ITPR2: variants seen among roughly 807,000 people sequenced by gnomAD.
The protein encoded by ITPR2 is inositol 1,4,5-trisphosphate-gated calcium channel ITPR2.
Under a neutral mutation model 317.1 loss-of-function variants are expected in ITPR2, and 207 were observed. The observed-to-expected ratio is 0.65, with a 90% CI of 0.58 to 0.73. The LOEUF (loss-of-function observed/expected upper bound fraction) is 0.73, where lower values mean the gene tolerates loss of function less well. Among genes scored for constraint, ITPR2 ranks in the 30% least tolerant of loss-of-function variants. ITPR2 has a pLI of 0.00. For synonymous variants in ITPR2, 1,156 were observed against 1,149.1 expected (o/e 1.01, Z -0.12); for missense variants, 2,613 against 3,284.0 (o/e 0.80, Z 4.99).
At chr12:26,626,297 C>T (rs1018630058) in intron 23 of ITPR2, among the ~76,000 whole-genome samples, 2 of 152,148 alleles carry the variant, frequency 1.3e-5, no homozygotes, top group African/African-American at 4.8e-5. Context: ...AAATACACCA[C>T]TTATTTCTCA....
intron 2 of ITPR2, among the ~76,000 whole-genome samples, chr12:26,742,762 G>A (rs1949254177): frequency 2.6e-5 from 4 of 150,998 alleles, no homozygotes; most frequent in South Asian, 2.1e-4. Context: ...GCAGTGAGCC[G>A]AGATCATACC....
Position 26,597,153 on chromosome 12 carries a change from A to T in ITPR2, c.4003-19T>A. 2 of 1,612,808 alleles carry T rather than the reference A, an allele frequency of 1.2e-6. No individual in the cohort carries two copies. The highest frequency in any genetic ancestry group is 1.7e-6 in the Non-Finnish European group (2 of 1,179,712). ...TTATCAACTGAAATGATAATAAGAGAGTCTATGTAGCAGTCCGAACATTCA... is the reference window on the plus strand; with the variant it reads ...TTATCAACTGAAATGATAATAAGAGTGTCTATGTAGCAGTCCGAACATTCA... On this transcript the variant is annotated intron_variant, in intron 30 of 56. Coordinates refer to ENST00000381340, the MANE Select transcript of ITPR2 (RefSeq NM_002223.4).
At chr12:26,765,449 T>C (rs1949703596) in intron 2 of ITPR2, among the ~76,000 whole-genome samples, 1 of 152,122 alleles carries the variant, frequency 6.6e-6, no homozygotes, top group Non-Finnish European at 1.5e-5. Flanking sequence ...TGTACCAATG[T>C]ATACTCTTTC....
chr12:26,831,666 T>G lies in ITPR2; in HGVS notation c.92+1024A>C, dbSNP rs1243638276. On this transcript the variant is annotated intron_variant, in intron 1 of 56. Coordinates refer to ENST00000381340, the MANE Select transcript of ITPR2 (RefSeq NM_002223.4). This position sits in a 1 kb window ranked among gnomAD's most constrained non-coding sequence, Gnocchi z 4.9. ...AGTCCTATTTAACCATTTGGCACACTGTTTTATATATAAATATATATATAT... is the reference window on the plus strand; with the variant it reads ...AGTCCTATTTAACCATTTGGCACACGGTTTTATATATAAATATATATATAT... Among the ~76,000 whole-genome samples the G allele has an allele frequency of 7.6e-6, 1 of 130,828 alleles. No individual in the cohort carries two copies. The highest frequency in any genetic ancestry group is 1.8e-5 in the Non-Finnish European group (1 of 56,732). The allele number at this position is 130,828 out of a possible 152,430, so 85.8% of individuals were successfully genotyped here. A position where few individuals can be genotyped will look rare whatever the true frequency, so the allele number is the denominator to read the frequency against.
rs373550560 is a variant in ITPR2 at position 26,486,023 on chromosome 12, C to A, written c.5811+81G>T. On this transcript the variant is annotated intron_variant, in intron 41 of 56. Transcript: ENST00000381340. ...TATCTTTCTAAAATGCTCTCCGAAACTACTTGTTGGTTTTATTTGAATTTA... is the reference window on the plus strand; with the variant it reads ...TATCTTTCTAAAATGCTCTCCGAAAATACTTGTTGGTTTTATTTGAATTTA... 1.0e-5 allele frequency: 15 copies of A among 1,483,648 alleles called. No individual in the cohort carries two copies. In the East Asian group the frequency reaches 2.7e-4, roughly 27 times the overall value. The allele number at this position is 1,483,648 out of a possible 1,614,324, so 91.9% of individuals were successfully genotyped here.
chr12:26,799,037 T>C (rs1293625530), intron 1 of ITPR2, among the ~76,000 whole-genome samples: 1 of 152,236 alleles, frequency 6.6e-6, no homozygotes, highest in African/African-American at 2.4e-5. Flanking sequence ...ACATGTCTAA[T>C]TTCAATAATG....
intron 54 of ITPR2, among the ~76,000 whole-genome samples, chr12:26,394,271 C>A (rs549213745): frequency 2.6e-5 from 4 of 152,260 alleles, no homozygotes; most frequent in East Asian, 1.9e-4. Flanking sequence ...CTATAAAGTT[C>A]ATGCATTTTC....
At chr12:26,498,565 G>A (rs1942998841) in intron 37 of ITPR2, among the ~76,000 whole-genome samples, 1 of 152,128 alleles carries the variant, frequency 6.6e-6, no homozygotes, top group African/African-American at 2.4e-5. Context: ...AAAATATGAG[G>A]TCACATTAAC....
intron 45 of ITPR2, among the ~76,000 whole-genome samples, chr12:26,447,178 T>C (rs886823748): frequency 6.6e-6 from 1 of 151,606 alleles, no homozygotes. Flanking sequence ...AATGAAGAAA[T>C]GGGCTAGTTA....
At chr12:26,409,206 G>C (rs1442029480) in intron 52 of ITPR2, among the ~76,000 whole-genome samples, 1 of 152,156 alleles carries the variant, frequency 6.6e-6, no homozygotes, top group African/African-American at 2.4e-5. Context: ...TAAAGAGACA[G>C]TGTGAGTTAG....
At chr12:26,466,102 G>A (rs138129104) in intron 45 of ITPR2, among the ~76,000 whole-genome samples, 345 of 152,244 alleles carry the variant, frequency 2.3e-3, no homozygotes, top group African/African-American at 8.2e-3. Context: ...TGTCTATAAG[G>A]TGAATATAAT....
intron 10 of ITPR2, among the ~76,000 whole-genome samples, chr12:26,689,669 C>CA (rs2136977364): frequency 6.6e-6 from 1 of 152,258 alleles, no homozygotes; most frequent in South Asian, 2.1e-4. Flanking sequence ...TGTCCAACTG[C>CA]AAACAGCTGA....
chr12:26,816,946 A>G (rs759844225), intron 1 of ITPR2, among the ~76,000 whole-genome samples: 31 of 152,056 alleles, frequency 2.0e-4, no homozygotes, highest in Non-Finnish European at 5.9e-5. Context: ...TTGGGAGGCC[A>G]AGGTGGGCGG....
chr12:26,655,001 G>C (rs1485428413), intron 20 of ITPR2, among the ~76,000 whole-genome samples: 1 of 152,190 alleles, frequency 6.6e-6, no homozygotes, highest in African/African-American at 2.4e-5. Flanking sequence ...GCTTCAGGCT[G>C]CAAGTTTTGG....
At chr12:26,735,986 A>G (rs1949113171) in intron 2 of ITPR2, among the ~76,000 whole-genome samples, 2 of 152,218 alleles carry the variant, frequency 1.3e-5, no homozygotes, top group East Asian at 1.9e-4. Context: ...TTCCTATTAG[A>G]TAACATGTTT....
At position 26,785,212 on chromosome 12, in the gene ITPR2, G is replaced by A. The variant is rs1405947895; in HGVS notation, c.163+4945C>T. 5.8e-5 allele frequency among the ~76,000 whole-genome samples: 2 copies of A among 34,520 alleles called. 1 individual carries two copies. The highest frequency in any genetic ancestry group is 1.5e-4 in the Non-Finnish European group (2 of 13,022). 22.6% of individuals were successfully genotyped at this position (34,520 alleles called of 152,430 possible). ...CCCCGCCCGGCCAGCCGCCCCGTCC[G>A]GGAGGTGAGGGGCTCCTCTGCCCGG... On this transcript the variant is annotated intron_variant, in intron 2 of 56. Transcript: ENST00000381340.
intron 6 of ITPR2, 82 bp from the exon 7 acceptor site, chr12:26,715,917 A>T: frequency 9.7e-7 from 1 of 1,029,104 alleles, no homozygotes; most frequent in Non-Finnish European, 1.5e-6. Flanking sequence ...TAGTAAAAGG[A>T]AATTAAAGAC....
chr12:26,424,413 C>G (rs1940983264), intron 49 of ITPR2, among the ~76,000 whole-genome samples: 1 of 152,098 alleles, frequency 6.6e-6, no homozygotes, highest in Non-Finnish European at 1.5e-5. Flanking sequence ...AGTTTCACCT[C>G]TTACACAATG....
intron 37 of ITPR2, among the ~76,000 whole-genome samples, chr12:26,541,773 A>G (rs930371402): frequency 6.6e-6 from 1 of 152,162 alleles, no homozygotes. Context: ...TAATTATGAC[A>G]TTCTTTTTGT....
Sources: allele counts gnomAD v4.1 joint callset (sites outside exome capture counted in the v4.1 genomes callset), GRCh38; gene constraint gnomAD v4.1.1; non-coding constraint Gnocchi (gnomAD v3.1); transcripts MANE v1.5; gene names NCBI Gene and HGNC (gene_info 2026-07-23, HGNC 2026-07-21).